RBFOX1: variants seen among roughly 807,000 people sequenced by gnomAD.
RBFOX1 encodes RNA binding protein fox-1 homolog 1.
In RBFOX1, 8 loss-of-function variants were observed where a neutral mutation model predicts 57.7. The ratio of observed to expected loss-of-function variants is 0.14; its 90% CI spans 0.08 to 0.25. RBFOX1 has a LOEUF of 0.25. RBFOX1 is among the 10% of genes least tolerant of loss of function. The probability of loss-of-function intolerance (pLI) is 1.00; values close to 1 mark genes in which losing one functional copy is unlikely to be tolerated. For missense variants in RBFOX1, 611 were observed against 548.5 expected, an observed-to-expected ratio of 1.11 and a Z score of -1.14; for synonymous variants, 326 against 222.4, an observed-to-expected ratio of 1.47 and a Z score of -4.15.
intron 2 of RBFOX1, among the ~76,000 whole-genome samples, chr16:5,529,046 C>T (rs577799758): frequency 1.3e-5 from 2 of 152,180 alleles, no homozygotes; most frequent in East Asian, 3.9e-4. Context: ...GGACCTCCTG[C>T]TTGTGCCAAG....
intron 1 of RBFOX1, among the ~76,000 whole-genome samples, chr16:6,311,980 A>G (rs1184691980): frequency 6.6e-6 from 1 of 152,198 alleles, no homozygotes; most frequent in African/African-American, 2.4e-5. Flanking sequence ...AGACACCTGA[A>G]TGAGGTCAGG....
At chr16:5,875,325 G>C (rs2057577088) in intron 4 of RBFOX1, among the ~76,000 whole-genome samples, 2 of 152,218 alleles carry the variant, frequency 1.3e-5, no homozygotes, top group Admixed American at 1.3e-4. Flanking sequence ...AACCAGGTTT[G>C]TCTGATTGCA....
At position 6,943,760 on chromosome 16, in the gene RBFOX1, C is replaced by G. The variant is rs142112761; in HGVS notation, c.-15-108297C>G. Among the ~76,000 whole-genome samples the G allele has an allele frequency of 4.9e-4, 74 of 151,562 alleles. 1 individual carries two copies. Among genetic ancestry groups the G allele is most frequent in the Admixed American group, 1.2e-3 (18 of 15,208 alleles). ...CCTGTAACAATAGCTGAGTCTTGGC[C>G]AATCCCAGCAGCTGAACTTCAACCA... On this transcript the variant is annotated intron_variant, in intron 3 of 15. Coordinates refer to ENST00000550418, the MANE Select transcript of RBFOX1 (RefSeq NM_018723.4).
chr16:7,396,481 A>G (rs903262304), intron 4 of RBFOX1, among the ~76,000 whole-genome samples: 4 of 152,140 alleles, frequency 2.6e-5, no homozygotes, highest in African/African-American at 4.8e-5. Context: ...GCTTCCCTAC[A>G]CGTCCTGATT....
intron 3 of RBFOX1, among the ~76,000 whole-genome samples, chr16:5,689,155 G>T (rs2050593308): frequency 6.6e-6 from 1 of 152,208 alleles, no homozygotes; most frequent in South Asian, 2.1e-4. Flanking sequence ...GTCACGTCCA[G>T]AGAACTGGAA....
chr16:7,416,979 G>T (rs2098484098), intron 4 of RBFOX1, among the ~76,000 whole-genome samples: 1 of 152,132 alleles, frequency 6.6e-6, no homozygotes, highest in South Asian at 2.1e-4. Context: ...GCAGGTAGGA[G>T]CCCTGAGATT....
At chr16:7,201,082 A>G (rs2088273526) in intron 4 of RBFOX1, among the ~76,000 whole-genome samples, 2 of 152,208 alleles carry the variant, frequency 1.3e-5, no homozygotes, top group African/African-American at 2.4e-5. Flanking sequence ...ACAAATATAA[A>G]TTTATTTCTG....
At chr16:5,343,240 C>G (rs1055418543) in intron 1 of RBFOX1, among the ~76,000 whole-genome samples, 2 of 148,520 alleles carry the variant, frequency 1.3e-5, no homozygotes, top group African/African-American at 2.5e-5. Flanking sequence ...TAAAGTCCTA[C>G]TTCTGTACTT....
chr16:6,819,352 C>T (rs1016510225), intron 3 of RBFOX1, among the ~76,000 whole-genome samples: 4 of 152,130 alleles, frequency 2.6e-5, no homozygotes, highest in African/African-American at 7.2e-5. Flanking sequence ...TATTGGTCTA[C>T]AGTGAACACA....
At position 5,288,284 on chromosome 16, in the gene RBFOX1, G is replaced by A. The variant is rs373640912; in HGVS notation, c.219+48179G>A. Among the ~76,000 whole-genome samples the A allele has an allele frequency of 6.7e-4, 102 of 152,322 alleles. 1 individual carries two copies. The East Asian group carries it at 0.018, about 27-fold the overall frequency. On this transcript the variant is annotated intron_variant, in intron 1 of 2. Coordinates refer to the RBFOX1 transcript ENST00000585867. ...CTGATAATTATTTGCATACCACAAA[G>A]AAGGCCGGCTGTTAGGAGGCTGCTG...
At chr16:7,096,833 G>T (rs546138180) in intron 4 of RBFOX1, among the ~76,000 whole-genome samples, 6 of 150,134 alleles carry the variant, frequency 4.0e-5, no homozygotes, top group African/African-American at 9.8e-5. Flanking sequence ...GTAGGGGGCT[G>T]AGGTAAGAGA....
At chr16:5,999,835 T>C in intron 4 of RBFOX1, among the ~76,000 whole-genome samples, 1 of 113,026 alleles carries the variant, frequency 8.8e-6, no homozygotes, top group East Asian at 3.3e-4. Flanking sequence ...ACCACTGCGC[T>C]CCAGCCTGGG....
chr16:6,376,018 T>C (rs56377021), intron 2 of RBFOX1, among the ~76,000 whole-genome samples: 1,830 of 152,310 alleles, frequency 0.012, 36 homozygotes, highest in African/African-American at 0.039. Flanking sequence ...AGTCATCCTG[T>C]TTGAGCTCAT....
intron 4 of RBFOX1, among the ~76,000 whole-genome samples, chr16:7,498,691 G>C (rs7203147): frequency 0.83 from 125,657 of 152,068 alleles, 53,157 homozygotes; most frequent in Middle Eastern, 0.95. Context: ...TACAGTACGC[G>C]TCATTTCAGA....
intron 1 of RBFOX1, among the ~76,000 whole-genome samples, chr16:6,065,382 T>C (rs923920146): frequency 3.9e-5 from 6 of 152,070 alleles, no homozygotes; most frequent in Non-Finnish European, 7.4e-5. Flanking sequence ...TCTGTTTTCA[T>C]ACAGCTGGTG....
intron 10 of RBFOX1, among the ~76,000 whole-genome samples, chr16:7,621,604 A>C (rs569738855): frequency 6.6e-6 from 1 of 152,330 alleles, no homozygotes; most frequent in South Asian, 2.1e-4. Context: ...AGAAATTTTG[A>C]GCAAATATTT....
chr16:7,111,783 G>C (rs1030634785), intron 4 of RBFOX1, among the ~76,000 whole-genome samples: 4 of 151,692 alleles, frequency 2.6e-5, no homozygotes, highest in Non-Finnish European at 5.9e-5. Context: ...TCAAGGTTCT[G>C]GCCAATCTAT....
intron 4 of RBFOX1, among the ~76,000 whole-genome samples, chr16:7,319,187 GA>G: frequency 6.6e-6 from 1 of 152,288 alleles, no homozygotes; most frequent in South Asian, 2.1e-4. Flanking sequence ...AATCTCCAAG[GA>G]AGTGAGGTCT....
intron 3 of RBFOX1, among the ~76,000 whole-genome samples, chr16:5,704,234 C>T (rs1367759293): frequency 2.0e-5 from 3 of 152,134 alleles, no homozygotes; most frequent in Admixed American, 2.0e-4. Context: ...CTGGATAAAA[C>T]AGTAATAATT....
Sources: gnomAD v4.1 joint callset for allele counts (sites outside exome capture counted in the v4.1 genomes callset) on GRCh38, gnomAD v4.1.1 for gene constraint, MANE v1.5 for transcripts, NCBI Gene and HGNC (gene_info 2026-07-23, HGNC 2026-07-21) for gene names.